The following SDC2 variants were observed in gnomAD, a reference collection of about 807,000 sequenced individuals.
The protein encoded by SDC2 is syndecan-2.
A neutral mutation model predicts 22.2 loss-of-function variants in SDC2; 13 were observed. The ratio of observed to expected loss-of-function variants is 0.59; its 90% CI spans 0.38 to 0.93. The LOEUF (loss-of-function observed/expected upper bound fraction) is 0.93, where lower values mean the gene tolerates loss of function less well. SDC2 is among the 40% of genes least tolerant of loss of function. The probability of loss-of-function intolerance (pLI) is 0.00; values close to 1 mark genes in which losing one functional copy is unlikely to be tolerated. For synonymous variants in SDC2, 94 were observed against 92.8 expected, an observed-to-expected ratio of 1.01 and a Z score of -0.07; for missense variants, 235 against 246.8, an observed-to-expected ratio of 0.95 and a Z score of 0.32.
intron 1 of SDC2, among the ~76,000 whole-genome samples, chr8:96,500,661 CAAAAAAA>C (rs56672989): frequency 1.4e-5 from 1 of 73,650 alleles, no homozygotes; most frequent in African/African-American, 5.2e-5. Context: ...GACTCCATCT[CAAAAAAA>C]AAAAAAAAAA....
intron 1 of SDC2, among the ~76,000 whole-genome samples, chr8:96,516,040 G>A (rs925809517): frequency 1.3e-5 from 2 of 152,136 alleles, no homozygotes; most frequent in African/African-American, 4.8e-5. Context: ...CACTGCCGGT[G>A]TTCGAATCAC....
chr8:96,558,905 A>G (rs1586299358), intron 1 of SDC2, among the ~76,000 whole-genome samples: 1 of 152,210 alleles, frequency 6.6e-6, no homozygotes, highest in Non-Finnish European at 1.5e-5. Flanking sequence ...GCACGGTAGT[A>G]AAGAACCTCA....
At chr8:96,563,293 G>A (rs1563662923) in intron 1 of SDC2, among the ~76,000 whole-genome samples, 1 of 152,060 alleles carries the variant, frequency 6.6e-6, no homozygotes, top group Non-Finnish European at 1.5e-5. Flanking sequence ...ATTTTCAAGA[G>A]CTCCCAATTT....
chr8:96,508,121 G>T (rs58332473), intron 1 of SDC2, among the ~76,000 whole-genome samples: 144 of 151,968 alleles, frequency 9.5e-4, no homozygotes, highest in African/African-American at 3.4e-3. Context: ...ACAGTGAAAC[G>T]CCATCTCTAC....
intron 1 of SDC2, among the ~76,000 whole-genome samples, chr8:96,501,429 C>T (rs1333858214): frequency 6.6e-6 from 1 of 150,722 alleles, no homozygotes; most frequent in African/African-American, 2.4e-5. Flanking sequence ...CTCAACCTCC[C>T]GAGTAGCTGG....
At chr8:96,544,503 C>T (rs574078583) in intron 1 of SDC2, among the ~76,000 whole-genome samples, 3 of 152,304 alleles carry the variant, frequency 2.0e-5, no homozygotes, top group East Asian at 1.9e-4. Context: ...TTTCTCTGTT[C>T]GTTCTAGCGA....
intron 1 of SDC2, among the ~76,000 whole-genome samples, chr8:96,558,413 C>A (rs1253232639): frequency 6.8e-6 from 1 of 147,628 alleles, no homozygotes; most frequent in African/African-American, 2.5e-5. Flanking sequence ...TCAGTTACAG[C>A]CTTGCCATGG....
At chr8:96,579,847 A>AT (rs1814561615) in intron 1 of SDC2, among the ~76,000 whole-genome samples, 1 of 152,242 alleles carries the variant, frequency 6.6e-6, no homozygotes, top group African/African-American at 2.4e-5. Context: ...ATTTTTGAAT[A>AT]TAACATTTTA....
In SDC2 at chr8:96,534,337, A is replaced by C. The variant is rs539143342; in HGVS notation, c.60+40006A>C. ...TGAGGCTGAGGAGGTGCTGAGAGCA[A>C]GTGAGGGATGCGAGGGCTGCCAGCA... On this transcript the variant is annotated intron_variant, in intron 1 of 4. Transcript: ENST00000302190. Among the ~76,000 whole-genome samples, 102 of 152,296 alleles carry C rather than the reference A, an allele frequency of 6.7e-4. No individual in the cohort carries two copies. In the Middle Eastern group the frequency reaches 0.014, roughly 20 times the overall value.
Position 96,493,943 on chromosome 8 carries a change from A to C in SDC2, c.-329A>C. On this transcript the variant is annotated 5_prime_UTR_variant, in exon 1 of 5. Coordinates refer to ENST00000302190, the MANE Select transcript of SDC2 (RefSeq NM_002998.4). ...CAGAAACTGAACCTCGGCACGGGAA[A>C]GGAGTCCGCGGAGGAGCAAAACCAC... The C allele has an allele frequency of 5.4e-6, 2 of 369,398 alleles. No individual in the cohort carries two copies. The highest frequency in any genetic ancestry group is 4.8e-6 in the Non-Finnish European group (1 of 206,252). The allele number at this position is 369,398 out of a possible 1,614,324, so 22.9% of individuals were successfully genotyped here.
intron 1 of SDC2, among the ~76,000 whole-genome samples, chr8:96,511,764 C>G (rs1270760581): frequency 6.6e-6 from 1 of 150,782 alleles, no homozygotes; most frequent in Admixed American, 6.6e-5. Flanking sequence ...GTTTTCAGAT[C>G]TGGCTGCATC....
At chr8:96,594,586 A>T (rs1259286842) in intron 2 of SDC2, among the ~76,000 whole-genome samples, 1 of 152,224 alleles carries the variant, frequency 6.6e-6, no homozygotes, top group East Asian at 1.9e-4. Context: ...TACAGAGGAT[A>T]TGTATACACG....
chr8:96,553,394 A>G (rs1165502322), intron 1 of SDC2, among the ~76,000 whole-genome samples: 2 of 151,960 alleles, frequency 1.3e-5, no homozygotes, highest in African/African-American at 4.8e-5. Flanking sequence ...GCATATTGTA[A>G]GTATAAATGG....
intron 1 of SDC2, among the ~76,000 whole-genome samples, chr8:96,587,037 C>T (rs75844866): frequency 0.08 from 12,124 of 152,186 alleles, 579 homozygotes; most frequent in East Asian, 0.21. Context: ...ATTCTCCTGC[C>T]TCGGCCTCCC....
At chr8:96,562,517 G>A (rs1814226755) in intron 1 of SDC2, among the ~76,000 whole-genome samples, 1 of 152,208 alleles carries the variant, frequency 6.6e-6, no homozygotes, top group South Asian at 2.1e-4. Context: ...GAGACTCATT[G>A]TTACTGGAGT....
intron 3 of SDC2, among the ~76,000 whole-genome samples, chr8:96,604,548 G>C (rs2130657558): frequency 6.6e-6 from 1 of 152,222 alleles, no homozygotes; most frequent in East Asian, 1.9e-4. Context: ...TGTTTATGTG[G>C]TACAGCCGAA....
intron 1 of SDC2, among the ~76,000 whole-genome samples, chr8:96,546,641 CT>C (rs999987769): frequency 2.6e-5 from 4 of 152,038 alleles, no homozygotes; most frequent in African/African-American, 9.7e-5. Flanking sequence ...TTTTCTGTTC[CT>C]TGTGGAGCAG....
At chr8:96,540,754 T>TG (rs1468823082) in intron 1 of SDC2, among the ~76,000 whole-genome samples, 3 of 152,206 alleles carry the variant, frequency 2.0e-5, no homozygotes, top group African/African-American at 7.2e-5. Context: ...GCTATCCTCT[T>TG]GGCCTTCATG....
chr8:96,556,549 G>A (rs1011001858), intron 1 of SDC2, among the ~76,000 whole-genome samples: 8 of 151,918 alleles, frequency 5.3e-5, no homozygotes, highest in South Asian at 2.1e-4. Context: ...AATAAATGGT[G>A]CTGGGAAAAC....
Sources: gnomAD v4.1 joint callset for allele counts (sites outside exome capture counted in the v4.1 genomes callset) on GRCh38, gnomAD v4.1.1 for gene constraint, MANE v1.5 for transcripts, NCBI Gene and HGNC (gene_info 2026-07-23, HGNC 2026-07-21) for gene names.